Variants in VIL1 observed in about 807,000 individuals in gnomAD.
VIL1 encodes the protein villin-1.
A neutral mutation model predicts 104.0 loss-of-function variants in VIL1; 86 were observed. That is an observed-to-expected ratio of 0.83 (90% CI 0.69 to 0.99). The LOEUF (loss-of-function observed/expected upper bound fraction) is 0.99. Ranked by LOEUF, VIL1 falls within the 50% of genes least tolerant of loss-of-function variation. The pLI is 0.00. For missense variants in VIL1, 944 were observed against 1,054.1 expected (o/e 0.90, Z 1.45); for synonymous variants, 394 against 412.6 (o/e 0.95, Z 0.55).
intron 19 of VIL1, among the ~76,000 whole-genome samples, chr2:218,443,535 T>C (rs1689317987): frequency 6.6e-6 from 1 of 152,046 alleles, no homozygotes; most frequent in Non-Finnish European, 1.5e-5. Context: ...CCAATGTTAT[T>C]GAACCAGAGG....
chr2:218,420,561 C>A (rs1688884845), intron 1 of VIL1, among the ~76,000 whole-genome samples: 1 of 149,408 alleles, frequency 6.7e-6, no homozygotes, highest in South Asian at 2.1e-4. Flanking sequence ...TTCAGCCTTT[C>A]AGCATCATGA....
At chr2:218,437,011 G>C (rs1462019632) in intron 16 of VIL1, 113 bp from the exon 17 acceptor site, 92 of 1,286,004 alleles carry the variant, frequency 7.2e-5, no homozygotes, top group Non-Finnish European at 9.9e-5. Flanking sequence ...CATTTGGCTG[G>C]TAGTGGTAGA....
intron 17 of VIL1, among the ~76,000 whole-genome samples, 158 bp from the exon 18 acceptor site, chr2:218,438,500 T>C (rs1306493850): frequency 6.6e-6 from 1 of 152,212 alleles, no homozygotes; most frequent in Non-Finnish European, 1.5e-5. Flanking sequence ...TAATCTCCTT[T>C]TTCAGGGACC....
intron 1 of VIL1, among the ~76,000 whole-genome samples, chr2:218,422,770 G>A (rs1007191523): frequency 1.7e-4 from 26 of 152,174 alleles, no homozygotes; most frequent in Non-Finnish European, 3.4e-4. Flanking sequence ...TCAGTTCAAG[G>A]AGCATTCATG....
At chr2:218,431,350 TCAAAA>T in intron 10 of VIL1, 1 of 33,446 alleles carries the variant, frequency 3.0e-5, no homozygotes, top group Non-Finnish European at 5.4e-5. Context: ...AAACTCCATC[TCAAAA>T]AAAAAAAAAA....
chr2:218,434,756 C>A lies in VIL1; in HGVS notation c.1680+51C>A, dbSNP rs565883220. 3 of 1,547,098 alleles carry A rather than the reference C, an allele frequency of 1.9e-6. No individual in the cohort carries two copies. In the South Asian group the frequency reaches 3.7e-5, roughly 19 times the overall value. On this transcript the variant is annotated intron_variant, in intron 14 of 19. Transcript: ENST00000248444. Reference sequence around the variant, plus strand: ...CCATCCGCAAGTGGGTCCTGGGAGTCCCCCAGTTTCGCAGCAGCCCTAGGT... The same window carrying A: ...CCATCCGCAAGTGGGTCCTGGGAGTACCCCAGTTTCGCAGCAGCCCTAGGT...
At chr2:218,422,128 GCCTGTAAT>G (rs1688906937) in intron 1 of VIL1, among the ~76,000 whole-genome samples, 1 of 152,108 alleles carries the variant, frequency 6.6e-6, no homozygotes, top group African/African-American at 2.4e-5. Context: ...GGTGGCTCGC[GCCTGTAAT>G]CCCAGCTACT....
chr2:218,438,926 ATTTTTT>A (rs34676834), intron 18 of VIL1, among the ~76,000 whole-genome samples, 200 bp downstream of exon 18: 5 of 107,630 alleles, frequency 4.6e-5, no homozygotes, highest in South Asian at 3.1e-4. Context: ...ATGGTTCTCA[ATTTTTT>A]TTTTTTTTTT....
chr2:218,423,933 C>A lies in VIL1; in HGVS notation c.75+80C>A, dbSNP rs907517137. On this transcript the variant is annotated intron_variant, in intron 2 of 19. Coordinates refer to ENST00000248444, the MANE Select transcript of VIL1 (RefSeq NM_007127.3). The stretch of plus-strand genomic sequence containing the variant: ...GGCCAAGGAGGGAGGCCTGGGATTT[C>A]TCTTCGTTTCCTCTGCTCCTGCCCT... The A allele has an allele frequency of 5.3e-6, 8 of 1,521,656 alleles. No homozygotes were observed. The African/African-American group carries it at 1.1e-4, about 21-fold the overall frequency. 94.3% of individuals were successfully genotyped at this position (1,521,656 alleles called of 1,614,324 possible).
chr2:218,437,436 CT>C, intron 17 of VIL1, 124 bp downstream of exon 17: 1 of 1,283,236 alleles, frequency 7.8e-7, no homozygotes. Context: ...CTAGAGGAGG[CT>C]TAGAATAGAA....
chr2:218,438,806 A>G, intron 18 of VIL1, 80 bp downstream of exon 18: 1 of 1,243,982 alleles, frequency 8.0e-7, no homozygotes, highest in Non-Finnish European at 1.2e-6. Flanking sequence ...CGCTGCAGAG[A>G]AGACACCAGA....
At position 218,429,327 on chromosome 2, in the gene VIL1, G is replaced by A; in HGVS notation, c.610G>A (p.Gly204Arg). ...AKEIRDQERG[G>R]RTYVGVVDGE... ...GGAGATCCGAGACCAGGAGCGGGGA[G>A]GGCGCACCTATGTAGGCGTGGTGGA... Residue 204 changes from glycine to arginine, a missense_variant, in exon 7 of 20, where the codon GGG becomes AGG. Physicochemically the swap from Gly to Arg is moderately radical, Grantham distance 125. Transcript: ENST00000248444. 1 of 1,614,110 alleles carries A rather than the reference G, an allele frequency of 6.2e-7. No individual in the cohort carries two copies. Among genetic ancestry groups the A allele is most frequent in the Non-Finnish European group, 8.5e-7 (1 of 1,180,022 alleles).
intron 18 of VIL1, among the ~76,000 whole-genome samples, chr2:218,440,460 C>G (rs891390796): frequency 5.5e-4 from 84 of 152,020 alleles, no homozygotes; most frequent in African/African-American, 2.0e-3. Flanking sequence ...AGTAGAGATG[C>G]GGTTTCACCA....
At chr2:218,430,084 C>T in intron 9 of VIL1, 137 bp downstream of exon 9, 1 of 799,666 alleles carries the variant, frequency 1.3e-6, no homozygotes, top group Non-Finnish European at 2.0e-6. Flanking sequence ...CTGGGAGGAG[C>T]AGGATGAGGG....
intron 1 of VIL1, among the ~76,000 whole-genome samples, chr2:218,419,531 C>T (rs1422261175): frequency 6.6e-6 from 1 of 152,196 alleles, no homozygotes; most frequent in African/African-American, 2.4e-5. Flanking sequence ...CCCGAGCCCC[C>T]TCCCCACCAG....
rs1057294171 is a variant in VIL1, at chr2:218,453,226, A to G, written c.*3890A>G. On this transcript the variant is annotated 3_prime_UTR_variant, in exon 20 of 20. Transcript: ENST00000248444. ...GGCAATCTTTCAGAAAAGATGTTGC[A>G]TCTTCTGTGATGATGGTTTGTGTTT... 2 of 152,022 alleles carry G rather than the reference A, an allele frequency of 1.3e-5. No homozygotes were observed. The highest frequency in any genetic ancestry group is 2.9e-5 in the Non-Finnish European group (2 of 68,020). 9.4% of individuals were successfully genotyped at this position (152,022 alleles called of 1,614,324 possible).
At chr2:218,435,156 C>G in intron 14 of VIL1, 133 bp from the exon 15 acceptor site, 1 of 1,185,832 alleles carries the variant, frequency 8.4e-7, no homozygotes, top group Non-Finnish European at 1.2e-6. Flanking sequence ...TGGAATTGTC[C>G]CTGTGTGGCC....
Position 218,422,323 on chromosome 2 carries a change from C to G in VIL1, c.-11-1445C>G, listed in dbSNP as rs183755329. 4.6e-5 allele frequency among the ~76,000 whole-genome samples: 7 copies of G among 152,214 alleles called. No individual in the cohort carries two copies. In the East Asian group the frequency reaches 1.4e-3, roughly 29 times the overall value. On this transcript the variant is annotated intron_variant, in intron 1 of 19. Coordinates refer to ENST00000248444, the MANE Select transcript of VIL1 (RefSeq NM_007127.3). Reference sequence around the variant, plus strand: ...GACAAAGGTGATGACAGAAATGAAACAGAAAACGGTCTCCTCCTTTATACC... The same window carrying G: ...GACAAAGGTGATGACAGAAATGAAAGAGAAAACGGTCTCCTCCTTTATACC...
rs140845549 is a variant in VIL1 at position 218,429,888 on chromosome 2, G to T, written c.889G>T (p.Val297Leu). The change falls in exon 9 of 20, where the codon GTG (valine) becomes TTG (leucine). Residue 297 changes from valine to leucine, a missense_variant. Val to Leu is a conservative substitution (Grantham distance 32). Coordinates refer to ENST00000248444, the MANE Select transcript of VIL1 (RefSeq NM_007127.3). ...GGACCAGGGGGGCCTGAAGATCTAC[G>T]TGTGGAAAGGGAAGAAAGCCAATGA... is the stretch of plus-strand genomic sequence containing the variant. ...ILDQGGLKIY[V>L]WKGKKANEQE... The T allele has an allele frequency of 5.6e-6, 9 of 1,612,958 alleles. No homozygotes were observed. Among genetic ancestry groups the T allele is most frequent in the Non-Finnish European group, 7.6e-6 (9 of 1,179,568 alleles).
Sources: gnomAD v4.1 joint callset for allele counts (sites outside exome capture counted in the v4.1 genomes callset) on GRCh38, gnomAD v4.1.1 for gene constraint, MANE v1.5 for transcripts, NCBI Gene and HGNC (gene_info 2026-07-23, HGNC 2026-07-21) for gene names.